Variants in TRPM3 observed in about 807,000 individuals in gnomAD.
TRPM3 encodes the protein transient receptor potential cation channel subfamily M member 3.
Under a neutral mutation model 181.2 loss-of-function variants are expected in TRPM3, and 77 were observed. The ratio of observed to expected loss-of-function variants is 0.42; its 90% CI spans 0.35 to 0.51. TRPM3 has a LOEUF of 0.51. Among genes scored for constraint, TRPM3 ranks in the 20% least tolerant of loss-of-function variants. The pLI is 0.01. For missense variants in TRPM3, 1,759 were observed against 2,196.7 expected (o/e 0.80, Z 3.98); for synonymous variants, 745 against 796.4 (o/e 0.94, Z 1.09).
intron 7 of TRPM3, among the ~76,000 whole-genome samples, chr9:70,766,551 T>A (rs187908002): frequency 1.1e-4 from 16 of 152,296 alleles, no homozygotes; most frequent in Non-Finnish European, 1.8e-4. Context: ...AAAGACACAA[T>A]CACCCACAGA....
intron 1 of TRPM3, among the ~76,000 whole-genome samples, chr9:71,032,573 T>C (rs2057671108): frequency 6.6e-6 from 1 of 152,162 alleles, no homozygotes; most frequent in South Asian, 2.1e-4. Context: ...AGCAAAGACA[T>C]GCTGGATTAA....
chr9:71,185,747 TAG>T (rs1164916135), intron 1 of TRPM3, among the ~76,000 whole-genome samples: 1 of 151,968 alleles, frequency 6.6e-6, no homozygotes, highest in Non-Finnish European at 1.5e-5. Context: ...AAACTGAAGC[TAG>T]AGAGGTAAGG....
chr9:71,115,407 T>C (rs942638080), intron 1 of TRPM3, among the ~76,000 whole-genome samples: 23 of 152,214 alleles, frequency 1.5e-4, no homozygotes, highest in Non-Finnish European at 7.3e-5. Context: ...ATATCTTTCA[T>C]GTGTTTGTTC....
At chr9:71,388,749 A>C (rs1371600678) in intron 1 of TRPM3, among the ~76,000 whole-genome samples, 1 of 152,094 alleles carries the variant, frequency 6.6e-6, no homozygotes, top group Non-Finnish European at 1.5e-5. Flanking sequence ...ACAACAACAA[A>C]AAAGAATTTT....
chr9:70,770,926 A>G (rs1720542589), intron 7 of TRPM3, among the ~76,000 whole-genome samples: 2 of 152,164 alleles, frequency 1.3e-5, no homozygotes, highest in Non-Finnish European at 2.9e-5. Context: ...TATGGGGGAG[A>G]TAGATTTCAG....
chr9:70,542,694 TGTG>T (rs2043778046), intron 25 of TRPM3, among the ~76,000 whole-genome samples: 2 of 152,212 alleles, frequency 1.3e-5, no homozygotes, highest in African/African-American at 2.4e-5. Context: ...TGAAAGGAAA[TGTG>T]GTAAAATAAC....
At chr9:71,383,960 CCAA>C (rs2092866775) in intron 1 of TRPM3, among the ~76,000 whole-genome samples, 1 of 152,116 alleles carries the variant, frequency 6.6e-6, no homozygotes, top group Non-Finnish European at 1.5e-5. Context: ...TTGAAACACA[CCAA>C]CAAGAAAAAT....
At position 70,915,495 on chromosome 9, in the gene TRPM3, C is replaced by T. The variant is rs535778958; in HGVS notation, c.178-50984G>A. On this transcript the variant is annotated intron_variant, in intron 1 of 25. Transcript: ENST00000677713. ...TTTTTTTTTTTATTTTTAGTAGAGA[C>T]GGGGTTTCACCGTGTTAGCCAGGAT... Among the ~76,000 whole-genome samples, 174 of 149,646 alleles carry T rather than the reference C, an allele frequency of 1.2e-3. No individual in the cohort carries two copies. In the Middle Eastern group the frequency reaches 0.021, roughly 18 times the overall value.
intron 1 of TRPM3, among the ~76,000 whole-genome samples, chr9:70,915,409 T>C (rs1000351314): frequency 6.6e-6 from 1 of 151,716 alleles, no homozygotes; most frequent in African/African-American, 2.4e-5. Context: ...ACCATTCTCC[T>C]GCCTCAGCCT....
At chr9:71,147,511 A>G (rs2075487097) in intron 1 of TRPM3, among the ~76,000 whole-genome samples, 1 of 151,760 alleles carries the variant, frequency 6.6e-6, no homozygotes, top group Non-Finnish European at 1.5e-5. Flanking sequence ...TGGAAACTAA[A>G]CTCAACTGCT....
At chr9:71,259,974 G>T (rs931916777) in intron 1 of TRPM3, among the ~76,000 whole-genome samples, 2 of 152,060 alleles carry the variant, frequency 1.3e-5, no homozygotes, top group Non-Finnish European at 2.9e-5. Flanking sequence ...CTCCTAAATG[G>T]TATTGCCTAG....
chr9:71,069,281 A>T (rs894537786), intron 1 of TRPM3, among the ~76,000 whole-genome samples: 2 of 151,998 alleles, frequency 1.3e-5, no homozygotes, highest in Non-Finnish European at 1.5e-5. Context: ...GGTTCAAGTG[A>T]TTCTCCTGCC....
intron 1 of TRPM3, among the ~76,000 whole-genome samples, chr9:71,082,434 A>C (rs993173978): frequency 6.6e-6 from 1 of 152,178 alleles, no homozygotes; most frequent in African/African-American, 2.4e-5. Context: ...ACCTACTAGC[A>C]TAAGGAATAA....
intron 1 of TRPM3, among the ~76,000 whole-genome samples, chr9:70,979,254 C>T (rs943310448): frequency 1.3e-5 from 2 of 152,158 alleles, no homozygotes; most frequent in Admixed American, 1.3e-4. Context: ...CCTGGCCAGA[C>T]ATGGGGCGCG....
At chr9:70,561,029 C>CA (rs1211223825) in intron 22 of TRPM3, among the ~76,000 whole-genome samples, 3 of 152,038 alleles carry the variant, frequency 2.0e-5, no homozygotes, top group Non-Finnish European at 4.4e-5. Flanking sequence ...AAAAATATGG[C>CA]AAAAAAGGAT....
chr9:71,082,038 AAAAG>A (rs2064441143), intron 1 of TRPM3, among the ~76,000 whole-genome samples: 1 of 152,208 alleles, frequency 6.6e-6, no homozygotes, highest in Admixed American at 6.5e-5. Flanking sequence ...ATCCATATTG[AAAAG>A]AAAGTAGAAA....
intron 6 of TRPM3, among the ~76,000 whole-genome samples, chr9:70,820,996 T>C (rs963706034): frequency 1.3e-5 from 2 of 152,194 alleles, no homozygotes; most frequent in Non-Finnish European, 2.9e-5. Context: ...AGAATTGCAA[T>C]GTAATATTCA....
chr9:70,793,512 T>C (rs1239210238), intron 6 of TRPM3: 1 of 312,018 alleles, frequency 3.2e-6, no homozygotes, highest in East Asian at 8.4e-5. Flanking sequence ...TGTATATGTA[T>C]GCATATAAAC....
At chr9:70,757,660 C>T (rs2077325160) in intron 8 of TRPM3, among the ~76,000 whole-genome samples, 1 of 152,148 alleles carries the variant, frequency 6.6e-6, no homozygotes, top group Non-Finnish European at 1.5e-5. Flanking sequence ...AGCTTCATCC[C>T]TGGTCTGGTT....
Sources: allele counts gnomAD v4.1 joint callset (sites outside exome capture counted in the v4.1 genomes callset), GRCh38; gene constraint gnomAD v4.1.1; transcripts MANE v1.5; gene names NCBI Gene and HGNC (gene_info 2026-07-23, HGNC 2026-07-21).